The following UBN2 variants were observed in gnomAD, a reference collection of about 807,000 sequenced individuals.
UBN2 encodes ubinuclein-2.
In UBN2, 35 loss-of-function variants were observed where a neutral mutation model predicts 120.2. The ratio of observed to expected loss-of-function variants is 0.29; its 90% confidence interval spans 0.22 to 0.39. The LOEUF (loss-of-function observed/expected upper bound fraction) is 0.39, where lower values mean the gene tolerates loss of function less well. Ranked by LOEUF, UBN2 falls within the 10% of genes least tolerant of loss-of-function variation. The pLI is 1.00. For synonymous variants in UBN2, 661 were observed against 648.7 expected, an observed-to-expected ratio of 1.02 and a Z score of -0.29; for missense variants, 1,693 against 1,663.2, an observed-to-expected ratio of 1.02 and a Z score of -0.31.
chr7:139,296,061 T>G (rs1798101309), intron 17 of UBN2, among the ~76,000 whole-genome samples: 1 of 152,248 alleles, frequency 6.6e-6, no homozygotes, highest in African/African-American at 2.4e-5. Flanking sequence ...TTTCTCTTGC[T>G]TGTAAACTGG....
the UBN2 span, among the ~76,000 whole-genome samples, chr7:139,324,570 A>G: frequency 7.0e-3 from 1,044 of 148,602 alleles, 16 homozygotes; most frequent in African/African-American, 0.024. Flanking sequence ...AAAAAAAAAA[A>G]AAAAAGAAAA....
chr7:139,264,160 A>G (rs758924365), intron 6 of UBN2, among the ~76,000 whole-genome samples: 15 of 152,186 alleles, frequency 9.9e-5, no homozygotes, highest in Non-Finnish European at 2.1e-4. Flanking sequence ...CAGTTAAGTG[A>G]CCTTTTAAAA....
intron 6 of UBN2, among the ~76,000 whole-genome samples, chr7:139,264,206 G>C (rs1049498366): frequency 6.6e-6 from 1 of 152,042 alleles, no homozygotes; most frequent in South Asian, 2.1e-4. Flanking sequence ...TATCAATTCC[G>C]TATTACTTTA....
chr7:139,305,017 C>G lies in UBN2; in HGVS notation c.*7181C>G, dbSNP rs145640271. On this transcript the variant is annotated 3_prime_UTR_variant, in exon 18 of 18. Coordinates refer to ENST00000473989, the MANE Select transcript of UBN2 (RefSeq NM_173569.4). The stretch of plus-strand genomic sequence containing the variant: ...TGTGAACTCTGTATTCAAAAACTAT[C>G]TACAGATGCTTTCACTGGTGCAAAG... 3 of 152,208 alleles carry G rather than the reference C, an allele frequency of 2.0e-5. No homozygotes were observed. The East Asian group carries it at 5.8e-4, about 29-fold the overall frequency. The allele number at this position is 152,208 out of a possible 1,614,324, so 9.4% of individuals were successfully genotyped here. A position where few individuals can be genotyped will look rare whatever the true frequency, so the allele number is the denominator to read the frequency against.
intron 3 of UBN2, among the ~76,000 whole-genome samples, chr7:139,256,177 G>A (rs1485648604): frequency 6.6e-6 from 1 of 152,130 alleles, no homozygotes; most frequent in Non-Finnish European, 1.5e-5. Context: ...GCAGAATACT[G>A]CATAAGAAAA....
At chr7:139,308,897 C>A (rs543526377), downstream of UBN2, among the ~76,000 whole-genome samples, 25 of 152,076 alleles carry the variant, frequency 1.6e-4, no homozygotes, top group Non-Finnish European at 2.9e-4. Context: ...TGGTGCAACC[C>A]CGTCTCTGCT....
intron 4 of UBN2, 75 bp from the exon 5 acceptor site, chr7:139,259,192 T>A: frequency 6.4e-7 from 1 of 1,562,840 alleles, no homozygotes; most frequent in Non-Finnish European, 8.6e-7. Context: ...AAACCACTGC[T>A]GATGCTGGAT....
At chr7:139,243,292 GTT>G (rs531196836) in intron 2 of UBN2, among the ~76,000 whole-genome samples, 1 of 151,006 alleles carries the variant, frequency 6.6e-6, no homozygotes, top group East Asian at 1.9e-4. Context: ...AAATTCAAGG[GTT>G]TTTTTTTGTT....
intron 14 of UBN2, 35 bp from the exon 15 acceptor site, chr7:139,282,989 A>G (rs774728220): frequency 2.1e-6 from 3 of 1,430,798 alleles, no homozygotes; most frequent in Non-Finnish European, 2.8e-6. Flanking sequence ...TTTATTCACC[A>G]TTTCTATTTT....
intron 15 of UBN2, among the ~76,000 whole-genome samples, chr7:139,285,686 G>A (rs757157036): frequency 3.4e-4 from 52 of 151,964 alleles, no homozygotes; most frequent in Non-Finnish European, 5.3e-4. Flanking sequence ...TTATGTGTCT[G>A]ATTACTGTTT....
At chr7:139,289,183 T>C (rs779346676) in intron 15 of UBN2, among the ~76,000 whole-genome samples, 1 of 152,072 alleles carries the variant, frequency 6.6e-6, no homozygotes, top group Non-Finnish European at 1.5e-5. Context: ...GATACCAACA[T>C]TGGAGTACCC....
intron 2 of UBN2, among the ~76,000 whole-genome samples, chr7:139,248,714 G>A (rs1031787396): frequency 4.6e-5 from 7 of 151,860 alleles, no homozygotes; most frequent in African/African-American, 1.7e-4. Flanking sequence ...TTTTGTCTGT[G>A]GATTTTTATA....
chr7:139,242,042 A>C (rs1796334619), intron 2 of UBN2, among the ~76,000 whole-genome samples: 1 of 152,148 alleles, frequency 6.6e-6, no homozygotes, highest in Non-Finnish European at 1.5e-5. Flanking sequence ...TAACTTGTAA[A>C]AGTGAGTCTT....
At position 139,284,268 on chromosome 7, in the gene UBN2, A is replaced by G; in HGVS notation, c.3363A>G (p.Arg1121=). ...HKQPSGMNIS[R]QSPTLNLLPS... ...AGCCCAGTGGAATGAACATCAGCAG[A>G]CAGTCTCCCACCTTGAATTTATTGC... Residue 1121 remains arginine (R), a synonymous_variant, in exon 15 of 18, where the codon AGA becomes AGG. Transcript: ENST00000473989. 2 of 1,614,214 alleles carry G rather than the reference A, an allele frequency of 1.2e-6. No homozygotes were observed. The highest frequency in any genetic ancestry group is 8.5e-7 in the Non-Finnish European group (1 of 1,180,034).
At chr7:139,279,704 C>T (rs946198033) in intron 13 of UBN2, among the ~76,000 whole-genome samples, 1 of 152,202 alleles carries the variant, frequency 6.6e-6, no homozygotes, top group Non-Finnish European at 1.5e-5. Context: ...GTTAATCTGT[C>T]GCTTACACTT....
intron 2 of UBN2, among the ~76,000 whole-genome samples, chr7:139,241,570 T>C (rs1226264854): frequency 6.6e-6 from 1 of 152,220 alleles, no homozygotes; most frequent in African/African-American, 2.4e-5. Flanking sequence ...GATTTGATAG[T>C]AGAAAAGTAA....
chr7:139,249,936 C>T (rs1042648796), intron 2 of UBN2, among the ~76,000 whole-genome samples: 1 of 152,002 alleles, frequency 6.6e-6, no homozygotes, highest in Non-Finnish European at 1.5e-5. Flanking sequence ...CCTGGGCTCT[C>T]GCAATCCTCC....
rs957700148 is a variant in UBN2, at chr7:139,278,424, C to T, written c.2025-894C>T. Among the ~76,000 whole-genome samples, 64 of 152,156 alleles carry T rather than the reference C, an allele frequency of 4.2e-4. 5 individuals carry two copies. Among genetic ancestry groups the T allele is most frequent in the Admixed American group, 2.3e-3 (35 of 15,282 alleles). On this transcript the variant is annotated intron_variant, in intron 12 of 17. Coordinates refer to ENST00000473989, the MANE Select transcript of UBN2 (RefSeq NM_173569.4). The stretch of plus-strand genomic sequence containing the variant: ...CTCAAACTCCTGGCCTCACGTGATC[C>T]GCCTGCCTCAGCCCAAAGTGCTAGC...
At chr7:139,256,018 G>A (rs1243711436) in intron 3 of UBN2, among the ~76,000 whole-genome samples, 5 of 152,324 alleles carry the variant, frequency 3.3e-5, no homozygotes, top group African/African-American at 1.2e-4. Context: ...CTGGGTCACA[G>A]TAGCTAGTCA....
Sources: allele counts gnomAD v4.1 joint callset (sites outside exome capture counted in the v4.1 genomes callset), GRCh38; gene constraint gnomAD v4.1.1; transcripts MANE v1.5; gene names NCBI Gene and HGNC (gene_info 2026-07-23, HGNC 2026-07-21).